NSMCE2: variants seen among roughly 807,000 people sequenced by gnomAD.
NSMCE2 encodes the protein E3 SUMO-protein ligase NSE2.
A neutral mutation model predicts 23.8 loss-of-function variants in NSMCE2; 24 were observed. The observed-to-expected ratio is 1.01, with a 90% CI of 0.73 to 1.42. The LOEUF (loss-of-function observed/expected upper bound fraction) is 1.42, where lower values mean the gene tolerates loss of function less well. Among genes scored for constraint, NSMCE2 ranks in the 40% most tolerant of loss-of-function variants. The probability of loss-of-function intolerance (pLI) is 0.00; values close to 1 mark genes in which losing one functional copy is unlikely to be tolerated. For missense variants in NSMCE2, 284 were observed against 296.5 expected (o/e 0.96, Z 0.31); for synonymous variants, 92 against 94.1 (o/e 0.98, Z 0.13).
At chr8:125,192,683 G>A (rs977323053) in intron 5 of NSMCE2, among the ~76,000 whole-genome samples, 2 of 152,154 alleles carry the variant, frequency 1.3e-5, no homozygotes, top group African/African-American at 2.4e-5. Context: ...GATTTTAGGA[G>A]CATTAATGTG....
intron 3 of NSMCE2, among the ~76,000 whole-genome samples, chr8:125,113,553 G>T (rs1268138517): frequency 6.6e-6 from 1 of 152,168 alleles, no homozygotes; most frequent in Non-Finnish European, 1.5e-5. Context: ...ATTTCTGGGG[G>T]AGGAGATTAA....
intron 5 of NSMCE2, among the ~76,000 whole-genome samples, chr8:125,320,243 GGGAGGGAGGGAAGGAAGGAA>G (rs1829381533): frequency 1.8e-5 from 1 of 57,110 alleles, no homozygotes; most frequent in African/African-American, 7.2e-5. Flanking sequence ...AAGGGAGGGA[GGGAGGGAGGGAAGGAAGGAA>G]GGAAGGAAGG....
At chr8:125,249,728 T>C (rs1351650795) in intron 5 of NSMCE2, among the ~76,000 whole-genome samples, 2 of 152,206 alleles carry the variant, frequency 1.3e-5, no homozygotes, top group African/African-American at 2.4e-5. Flanking sequence ...TACTCAGTGC[T>C]TATGTGGGCA....
intron 5 of NSMCE2, among the ~76,000 whole-genome samples, chr8:125,248,957 G>T (rs779067790): frequency 1.1e-4 from 16 of 151,960 alleles, no homozygotes; most frequent in South Asian, 2.1e-4. Context: ...ATTACTTGTG[G>T]TCAGGTGTTC....
chr8:125,093,915 G>A (rs1451371314), intron 1 of NSMCE2, among the ~76,000 whole-genome samples: 1 of 152,046 alleles, frequency 6.6e-6, no homozygotes. Context: ...TCCCACCTCA[G>A]CCTTCCGAGG....
At chr8:125,237,174 G>A (rs1256857819) in intron 5 of NSMCE2, among the ~76,000 whole-genome samples, 1 of 152,154 alleles carries the variant, frequency 6.6e-6, no homozygotes, top group Non-Finnish European at 1.5e-5. Flanking sequence ...CCAGGCAGCA[G>A]GGACATGAAA....
chr8:125,203,939 G>A (rs572485272), intron 5 of NSMCE2, among the ~76,000 whole-genome samples: 2 of 152,288 alleles, frequency 1.3e-5, no homozygotes, highest in South Asian at 4.1e-4. Context: ...ATATTAGTCA[G>A]TTTACTTTCC....
intron 7 of NSMCE2, among the ~76,000 whole-genome samples, chr8:125,358,554 C>T (rs772851916): frequency 1.3e-5 from 2 of 152,040 alleles, no homozygotes; most frequent in African/African-American, 2.4e-5. Flanking sequence ...TCCATGACCA[C>T]GGAGGACCAT....
intron 3 of NSMCE2, among the ~76,000 whole-genome samples, chr8:125,116,629 TAAAAAC>T (rs1819017634): frequency 6.6e-6 from 1 of 152,142 alleles, no homozygotes; most frequent in South Asian, 2.1e-4. Flanking sequence ...AAGGACAAAA[TAAAAAC>T]TAATCAATAG....
chr8:125,262,747 A>G (rs148301246), intron 5 of NSMCE2, among the ~76,000 whole-genome samples: 2 of 152,132 alleles, frequency 1.3e-5, no homozygotes, highest in African/African-American at 4.8e-5. Context: ...GGTGAGACCC[A>G]TTCTGTGTTA....
intron 5 of NSMCE2, among the ~76,000 whole-genome samples, chr8:125,271,088 C>T (rs1208595421): frequency 6.6e-6 from 1 of 151,768 alleles, no homozygotes; most frequent in Non-Finnish European, 1.5e-5. Flanking sequence ...AGTGAGACCC[C>T]GTTTCTACTA....
chr8:125,175,159 T>C (rs1299622841), intron 4 of NSMCE2, among the ~76,000 whole-genome samples: 9 of 152,184 alleles, frequency 5.9e-5, no homozygotes. Flanking sequence ...GAGACAGTGT[T>C]GGCCTATATA....
chr8:125,257,932 G>A (rs1371150027), intron 5 of NSMCE2, among the ~76,000 whole-genome samples: 1 of 152,186 alleles, frequency 6.6e-6, no homozygotes. Context: ...GAAGAACACA[G>A]GAGCATGAGA....
chr8:125,296,499 A>T (rs1456039301), intron 5 of NSMCE2, among the ~76,000 whole-genome samples: 2 of 147,464 alleles, frequency 1.4e-5, no homozygotes, highest in African/African-American at 5.0e-5. Context: ...GGTTCAAGTG[A>T]TTCTCCTGCC....
At chr8:125,184,337 A>G (rs1308401346) in intron 5 of NSMCE2, among the ~76,000 whole-genome samples, 2 of 151,824 alleles carry the variant, frequency 1.3e-5, no homozygotes, top group South Asian at 2.1e-4. Context: ...TGTTGAAATC[A>G]TGGCTATTAC....
At chr8:125,191,933 C>T (rs1030592511) in intron 5 of NSMCE2, among the ~76,000 whole-genome samples, 1 of 152,008 alleles carries the variant, frequency 6.6e-6, no homozygotes, top group Non-Finnish European at 1.5e-5. Context: ...CAAGAGGCCA[C>T]AAGGATAGCA....
intron 5 of NSMCE2, among the ~76,000 whole-genome samples, chr8:125,341,365 T>G (rs1322298057): frequency 6.6e-6 from 1 of 152,094 alleles, no homozygotes; most frequent in Non-Finnish European, 1.5e-5. Flanking sequence ...GTTCTGAGAG[T>G]CTTTTTCTTC....
chr8:125,196,194 T>C (rs949524629), intron 5 of NSMCE2, among the ~76,000 whole-genome samples: 18 of 142,678 alleles, frequency 1.3e-4, no homozygotes, highest in African/African-American at 5.0e-4. Flanking sequence ...CTGGATAACT[T>C]TTTTTTTTCT....
intron 5 of NSMCE2, among the ~76,000 whole-genome samples, chr8:125,209,371 C>T (rs943218783): frequency 5.3e-5 from 8 of 152,064 alleles, no homozygotes; most frequent in South Asian, 2.1e-4. Flanking sequence ...GGGACTAAAC[C>T]GGTAGAAATA....
Sources: gnomAD v4.1 joint callset for allele counts (sites outside exome capture counted in the v4.1 genomes callset) on GRCh38, gnomAD v4.1.1 for gene constraint, MANE v1.5 for transcripts, NCBI Gene and HGNC (gene_info 2026-07-23, HGNC 2026-07-21) for gene names.